The following NXPH1 variants were observed in gnomAD, a reference collection of about 807,000 sequenced individuals.
NXPH1 encodes neurexophilin 1, also known as neurexophilin-1.
NXPH1 carries 5 observed loss-of-function variants against 23.7 expected under a neutral mutation model. The ratio of observed to expected loss-of-function variants is 0.21; its 90% CI spans 0.11 to 0.44. The LOEUF (loss-of-function observed/expected upper bound fraction) is 0.44, where lower values mean the gene tolerates loss of function less well. NXPH1 is among the 20% of genes least tolerant of loss of function. NXPH1 has a pLI of 0.99. For missense variants in NXPH1, 324 were observed against 321.6 expected (o/e 1.01, Z -0.06); for synonymous variants, 144 against 122.2 (o/e 1.18, Z -1.18).
chr7:8,561,720 G>T (rs970891834), intron 2 of NXPH1, among the ~76,000 whole-genome samples: 1 of 151,434 alleles, frequency 6.6e-6, no homozygotes, highest in African/African-American at 2.4e-5. Context: ...GTTTTGTAAA[G>T]GTCCATGAGT....
intron 2 of NXPH1, among the ~76,000 whole-genome samples, chr7:8,470,929 A>T (rs1485234785): frequency 6.6e-6 from 1 of 152,036 alleles, no homozygotes; most frequent in Non-Finnish European, 1.5e-5. Flanking sequence ...ATGGGATCTT[A>T]TAAAATTCTA....
intron 2 of NXPH1, among the ~76,000 whole-genome samples, chr7:8,522,432 C>T (rs1185406007): frequency 6.6e-6 from 1 of 152,122 alleles, no homozygotes; most frequent in Non-Finnish European, 1.5e-5. Context: ...TAAAAAGTCC[C>T]TTAGAAAATG....
chr7:8,495,660 G>A (rs2128611795), intron 2 of NXPH1, among the ~76,000 whole-genome samples: 1 of 152,166 alleles, frequency 6.6e-6, no homozygotes, highest in Non-Finnish European at 1.5e-5. Flanking sequence ...TTATTTTGTG[G>A]ATATGCAGAG....
At chr7:8,581,711 G>T (rs1818876775) in intron 2 of NXPH1, among the ~76,000 whole-genome samples, 1 of 152,180 alleles carries the variant, frequency 6.6e-6, no homozygotes, top group Non-Finnish European at 1.5e-5. Flanking sequence ...AGCTTTTATA[G>T]TCCAGTGTGA....
At chr7:8,509,133 T>G (rs1191280537) in intron 2 of NXPH1, among the ~76,000 whole-genome samples, 1 of 152,150 alleles carries the variant, frequency 6.6e-6, no homozygotes, top group Non-Finnish European at 1.5e-5. Flanking sequence ...TATCCATTAG[T>G]GCATGACTGC....
At chr7:8,541,892 C>G (rs1362318164) in intron 2 of NXPH1, among the ~76,000 whole-genome samples, 2 of 151,152 alleles carry the variant, frequency 1.3e-5, no homozygotes, top group South Asian at 2.1e-4. Flanking sequence ...AATGGAGTAA[C>G]AAAAATATTT....
chr7:8,548,257 A>G (rs138382790), intron 2 of NXPH1, among the ~76,000 whole-genome samples: 161 of 151,680 alleles, frequency 1.1e-3, no homozygotes, highest in African/African-American at 3.3e-3. Flanking sequence ...CATGCTCCTC[A>G]ATGAGCACTA....
chr7:8,625,381 T>C (rs565187626), intron 2 of NXPH1, among the ~76,000 whole-genome samples: 41 of 152,248 alleles, frequency 2.7e-4, no homozygotes, highest in Non-Finnish European at 3.8e-4. Flanking sequence ...ATTCTGAAAC[T>C]TTACTCCATT....
chr7:8,528,527 G>A (rs576377519), intron 2 of NXPH1, among the ~76,000 whole-genome samples: 7 of 152,184 alleles, frequency 4.6e-5, no homozygotes, highest in South Asian at 2.1e-4. Context: ...ATATTGAATC[G>A]TCTGTCTTGT....
intron 2 of NXPH1, among the ~76,000 whole-genome samples, chr7:8,627,506 G>A (rs1820018579): frequency 6.6e-6 from 1 of 152,128 alleles, no homozygotes; most frequent in Non-Finnish European, 1.5e-5. Flanking sequence ...GGCTCTTTGA[G>A]TAGTAGGATC....
chr7:8,729,128 G>T (rs962496526), intron 2 of NXPH1, among the ~76,000 whole-genome samples: 17 of 152,092 alleles, frequency 1.1e-4, no homozygotes, highest in African/African-American at 4.1e-4. Flanking sequence ...TATTTGCATA[G>T]AGGTGTTTAT....
chr7:8,732,366 G>A (rs146721623), intron 2 of NXPH1, among the ~76,000 whole-genome samples: 143 of 152,212 alleles, frequency 9.4e-4, no homozygotes, highest in African/African-American at 3.1e-3. Context: ...TGGCTCCTTC[G>A]CCTTCGTTTG....
At chr7:8,528,660 TA>T (rs1419540204) in intron 2 of NXPH1, among the ~76,000 whole-genome samples, 2 of 152,212 alleles carry the variant, frequency 1.3e-5, no homozygotes, top group Non-Finnish European at 2.9e-5. Context: ...CTGACAATCA[TA>T]AGGTTTACTT....
intron 2 of NXPH1, among the ~76,000 whole-genome samples, chr7:8,457,319 T>A (rs919278972): frequency 2.0e-5 from 3 of 152,148 alleles, no homozygotes; most frequent in Admixed American, 6.5e-5. Flanking sequence ...AGCCTCTTCC[T>A]AAATGGGGGA....
At position 8,752,209 on chromosome 7, in the gene NXPH1, T is replaced by C; in HGVS notation, c.*440T>C. On this transcript the variant is annotated 3_prime_UTR_variant, in exon 3 of 3. Coordinates refer to ENST00000405863, the MANE Select transcript of NXPH1 (RefSeq NM_152745.3). ...TTTTAAAGTCTTGAGTACATGCTAATCAATAATCTCCACTCATGCATTCCT... is the reference window on the plus strand; with the variant it reads ...TTTTAAAGTCTTGAGTACATGCTAACCAATAATCTCCACTCATGCATTCCT... 2 of 163,956 alleles carry C rather than the reference T, an allele frequency of 1.2e-5. No homozygotes were observed. Among genetic ancestry groups the C allele is most frequent in the Non-Finnish European group, 1.4e-5 (1 of 73,868 alleles). 10.2% of individuals were successfully genotyped at this position (163,956 alleles called of 1,614,324 possible). A position where few individuals can be genotyped will look rare whatever the true frequency, so the allele number is the denominator to read the frequency against.
intron 2 of NXPH1, among the ~76,000 whole-genome samples, chr7:8,721,638 C>T (rs371802839): frequency 7.9e-5 from 12 of 152,148 alleles, no homozygotes; most frequent in African/African-American, 2.6e-4. Flanking sequence ...ATTAGCTGGG[C>T]GTGGTGGCGG....
chr7:8,482,809 C>T (rs956524597), intron 2 of NXPH1, among the ~76,000 whole-genome samples: 1 of 152,278 alleles, frequency 6.6e-6, no homozygotes, highest in South Asian at 2.1e-4. Flanking sequence ...GACTGATAAG[C>T]GGGCCTTATC....
chr7:8,678,769 A>AG (rs200644347), intron 2 of NXPH1, among the ~76,000 whole-genome samples: 16 of 151,426 alleles, frequency 1.1e-4, no homozygotes, highest in African/African-American at 3.6e-4. Context: ...AACTACTCCT[A>AG]GGGAAAAAAA....
At chr7:8,572,317 A>G (rs947773398) in intron 2 of NXPH1, among the ~76,000 whole-genome samples, 7 of 152,002 alleles carry the variant, frequency 4.6e-5, no homozygotes, top group African/African-American at 1.7e-4. Context: ...TTTGTAAAAC[A>G]TTATGTAGAA....
Sources: allele counts gnomAD v4.1 joint callset (sites outside exome capture counted in the v4.1 genomes callset), GRCh38; gene constraint gnomAD v4.1.1; transcripts MANE v1.5; gene names NCBI Gene and HGNC (gene_info 2026-07-23, HGNC 2026-07-21).